Variants in STXBP5 observed in about 807,000 individuals in gnomAD.
The protein encoded by STXBP5 is syntaxin binding protein 5.
STXBP5 carries 50 observed loss-of-function variants against 152.4 expected under a neutral mutation model. The ratio of observed to expected loss-of-function variants is 0.33; its 90% confidence interval spans 0.26 to 0.42. The LOEUF (loss-of-function observed/expected upper bound fraction) is 0.42, where lower values mean the gene tolerates loss of function less well. Among genes scored for constraint, STXBP5 ranks in the 10% least tolerant of loss-of-function variants. STXBP5 has a pLI of 1.00. For missense variants in STXBP5, 1,167 were observed against 1,388.6 expected (o/e 0.84, Z 2.54); for synonymous variants, 492 against 494.7 (o/e 0.99, Z 0.07).
chr6:147,342,856 A>G (rs1468515457), intron 21 of STXBP5, among the ~76,000 whole-genome samples: 1 of 152,146 alleles, frequency 6.6e-6, no homozygotes, highest in Non-Finnish European at 1.5e-5. Context: ...ATTTGAAACT[A>G]CATGATTAAC....
chr6:147,359,382 C>A, intron 23 of STXBP5, 59 bp downstream of exon 23: 1 of 1,544,682 alleles, frequency 6.5e-7, no homozygotes. Context: ...ATGATAGAAG[C>A]CTTTGTTTTT....
chr6:147,235,552 T>C (rs193219097), intron 3 of STXBP5, among the ~76,000 whole-genome samples: 1 of 152,176 alleles, frequency 6.6e-6, no homozygotes, highest in African/African-American at 2.4e-5. Context: ...TTGAAAGGCC[T>C]AAGGTAAATG....
chr6:147,383,459 T>C (rs1786193685), intron 27 of STXBP5, among the ~76,000 whole-genome samples: 2 of 151,392 alleles, frequency 1.3e-5, no homozygotes, highest in African/African-American at 4.9e-5. Flanking sequence ...TATGGAGGAG[T>C]AGAGAGATGC....
At chr6:147,320,433 C>A (rs1782866624) in intron 16 of STXBP5, among the ~76,000 whole-genome samples, 1 of 152,026 alleles carries the variant, frequency 6.6e-6, no homozygotes, top group Non-Finnish European at 1.5e-5. Flanking sequence ...TATTTACCGG[C>A]TACATAGGGA....
intron 2 of STXBP5, among the ~76,000 whole-genome samples, chr6:147,233,105 C>T (rs527404979): frequency 2.1e-4 from 32 of 151,662 alleles, no homozygotes; most frequent in African/African-American, 7.7e-4. Context: ...GGTAGATCAC[C>T]TTAATATTCT....
chr6:147,323,419 T>C (rs1294862677), intron 16 of STXBP5, among the ~76,000 whole-genome samples: 2 of 151,714 alleles, frequency 1.3e-5, no homozygotes, highest in African/African-American at 4.8e-5. Flanking sequence ...GAGACGGAGA[T>C]CTCACTCTGT....
At chr6:147,225,006 A>G (rs1387029811) in intron 2 of STXBP5, among the ~76,000 whole-genome samples, 1 of 152,318 alleles carries the variant, frequency 6.6e-6, no homozygotes, top group Non-Finnish European at 1.5e-5. Context: ...CAGAGTAGCA[A>G]CATTTTGAAG....
chr6:147,284,022 CTA>C (rs1182603231), intron 8 of STXBP5, among the ~76,000 whole-genome samples: 1 of 152,116 alleles, frequency 6.6e-6, no homozygotes, highest in East Asian at 1.9e-4. Flanking sequence ...ACAGGTAAAA[CTA>C]ATTTTAATAA....
chr6:147,351,845 T>C (rs1357476433), intron 21 of STXBP5: 17 of 985,304 alleles, frequency 1.7e-5, no homozygotes, highest in Non-Finnish European at 2.0e-5. Context: ...GTGGAAGTCA[T>C]GTATGACTGG....
At chr6:147,381,106 G>C (rs919250256) in intron 26 of STXBP5, among the ~76,000 whole-genome samples, 1 of 152,028 alleles carries the variant, frequency 6.6e-6, no homozygotes, top group Admixed American at 6.6e-5. Context: ...AACAGCACAG[G>C]AAACCCTGCC....
intron 9 of STXBP5, among the ~76,000 whole-genome samples, chr6:147,309,168 T>C (rs1457340553): frequency 2.0e-5 from 3 of 152,114 alleles, no homozygotes; most frequent in Non-Finnish European, 4.4e-5. Context: ...CTAAAAATTC[T>C]AGAGATGGAA....
chr6:147,241,712 G>C (rs1439968492), intron 4 of STXBP5, among the ~76,000 whole-genome samples: 1 of 151,168 alleles, frequency 6.6e-6, no homozygotes, highest in Admixed American at 6.6e-5. Flanking sequence ...GGATGTTATA[G>C]CTGTCATAAC....
chr6:147,338,069 A>G (rs572800375), intron 19 of STXBP5, among the ~76,000 whole-genome samples: 1 of 152,222 alleles, frequency 6.6e-6, no homozygotes, highest in South Asian at 2.1e-4. Flanking sequence ...ATATTTTTAA[A>G]GCAGAGAAAG....
intron 21 of STXBP5, chr6:147,352,001 T>C (rs1784608010): frequency 2.4e-6 from 1 of 415,568 alleles, no homozygotes; most frequent in Non-Finnish European, 3.2e-6. Flanking sequence ...CACTTTTCTT[T>C]TACGCATGCA....
At chr6:147,266,520 G>A (rs75712736) in intron 6 of STXBP5, among the ~76,000 whole-genome samples, 113 of 152,162 alleles carry the variant, frequency 7.4e-4, no homozygotes, top group Non-Finnish European at 1.4e-3. Flanking sequence ...AATGAGCTCC[G>A]GGTTTCTAGC....
intron 7 of STXBP5, among the ~76,000 whole-genome samples, chr6:147,269,267 T>C (rs1780038946): frequency 6.6e-6 from 1 of 152,150 alleles, no homozygotes; most frequent in South Asian, 2.1e-4. Flanking sequence ...CAGAAAGCTG[T>C]TGTTGCAGTG....
At position 147,260,447 on chromosome 6, in the gene STXBP5, T is replaced by C. The variant is rs116780195; in HGVS notation, c.432-168T>C. ...GCTGTAAGGCCTTATGTTTGATGTA[T>C]AAGCTGAATTAGCATAATTAAATAT... is the stretch of plus-strand genomic sequence containing the variant. On this transcript the variant is annotated intron_variant, in intron 4 of 27. Transcript: ENST00000321680. 6.1e-3 allele frequency among the ~76,000 whole-genome samples: 933 copies of C among 152,296 alleles called. 11 individuals are homozygous for C. The highest frequency in any genetic ancestry group is 0.021 in the African/African-American group (883 of 41,570).
chr6:147,316,776 C>CT (rs1375817173), intron 16 of STXBP5, among the ~76,000 whole-genome samples: 1 of 137,094 alleles, frequency 7.3e-6, no homozygotes, highest in African/African-American at 2.8e-5. Flanking sequence ...CTGTTTAAGT[C>CT]TTTTAAGACT....
At chr6:147,357,718 G>A (rs1380920921) in intron 22 of STXBP5, among the ~76,000 whole-genome samples, 1 of 152,068 alleles carries the variant, frequency 6.6e-6, no homozygotes, top group Non-Finnish European at 1.5e-5. Context: ...GGCTTGGCAT[G>A]CCATCAGATG....
Sources: gnomAD v4.1 joint callset for allele counts (sites outside exome capture counted in the v4.1 genomes callset) on GRCh38, gnomAD v4.1.1 for gene constraint, MANE v1.5 for transcripts, NCBI Gene and HGNC (gene_info 2026-07-23, HGNC 2026-07-21) for gene names.